Variants in AAMDC observed in about 807,000 individuals in gnomAD.
AAMDC encodes mth938 domain-containing protein.
In AAMDC, 16 loss-of-function variants were observed where a neutral mutation model predicts 15.5. The observed-to-expected ratio is 1.03, with a 90% CI of 0.70 to 1.57. The LOEUF (loss-of-function observed/expected upper bound fraction) is 1.57, where lower values mean the gene tolerates loss of function less well. Among genes scored for constraint, AAMDC ranks in the 40% most tolerant of loss-of-function variants. The probability of loss-of-function intolerance (pLI) is 0.00; values close to 1 mark genes in which losing one functional copy is unlikely to be tolerated. For missense variants in AAMDC, 141 were observed against 144.9 expected, an observed-to-expected ratio of 0.97 and a Z score of 0.14; for synonymous variants, 51 against 51.6, an observed-to-expected ratio of 0.99 and a Z score of 0.05.
intron 2 of AAMDC, among the ~76,000 whole-genome samples, chr11:77,852,239 A>AAAAAAAAAAAAAAAAAAGAAG (rs1565205847): frequency 7.5e-6 from 1 of 133,828 alleles, no homozygotes; most frequent in African/African-American, 2.8e-5. Context: ...AAAAAAAAAA[A>AAAAAAAAAAAAAAAAAAGAAG]AAGAAGAAGA....
chr11:77,889,065 G>A (rs900563460), intron 5 of AAMDC, among the ~76,000 whole-genome samples: 8 of 152,102 alleles, frequency 5.3e-5, no homozygotes, highest in Admixed American at 3.9e-4. Flanking sequence ...CCCAGTCATC[G>A]CATTACTGGG....
chr11:77,879,445 G>A (rs1054857579), intron 5 of AAMDC, among the ~76,000 whole-genome samples: 1 of 152,178 alleles, frequency 6.6e-6, no homozygotes, highest in African/African-American at 2.4e-5. Context: ...ATGCAGGTGT[G>A]GATTTGGGCA....
Position 77,849,730 on chromosome 11 carries a change from T to C in AAMDC, c.132+7102T>C, listed in dbSNP as rs532106307. 3.9e-5 allele frequency among the ~76,000 whole-genome samples: 6 copies of C among 152,328 alleles called. No individual in the cohort carries two copies. The East Asian group carries it at 1.2e-3, about 29-fold the overall frequency. On this transcript the variant is annotated intron_variant, in intron 2 of 3. Coordinates refer to ENST00000393427, the MANE Select transcript of AAMDC (RefSeq NM_024684.4). Reference sequence around the variant, plus strand: ...TATTTGAAGACCTAGCTATTCCATATCAAATTCTTTTTATCTTCCAAACCT... The same window carrying C: ...TATTTGAAGACCTAGCTATTCCATACCAAATTCTTTTTATCTTCCAAACCT...
intron 5 of AAMDC, among the ~76,000 whole-genome samples, chr11:77,895,743 T>C (rs1033654634): frequency 2.0e-5 from 3 of 151,932 alleles, no homozygotes; most frequent in East Asian, 3.9e-4. Context: ...CCTGATTATA[T>C]AGAGAATCAT....
intron 1 of AAMDC, among the ~76,000 whole-genome samples, chr11:77,835,225 G>A (rs1949629689): frequency 6.6e-6 from 1 of 152,018 alleles, no homozygotes; most frequent in Non-Finnish European, 1.5e-5. Context: ...AAGGACACCA[G>A]ACATATACCC....
chr11:77,862,537 T>G (rs1281867527), intron 2 of AAMDC, among the ~76,000 whole-genome samples: 1 of 152,186 alleles, frequency 6.6e-6, no homozygotes, highest in Non-Finnish European at 1.5e-5. Context: ...CTTTGGTTCA[T>G]TGTTTACCCC....
At chr11:77,887,552 G>A (rs1470803756) in intron 5 of AAMDC, among the ~76,000 whole-genome samples, 1 of 152,132 alleles carries the variant, frequency 6.6e-6, no homozygotes, top group Non-Finnish European at 1.5e-5. Flanking sequence ...ATTCAACATA[G>A]TGTTGGAAGT....
chr11:77,869,312 CTTTT>C, intron 2 of AAMDC: 9 of 125,792 alleles, frequency 7.2e-5, no homozygotes, highest in Non-Finnish European at 1.3e-4. Context: ...ATCTCTTTTT[CTTTT>C]TTTTTTTTTT....
At chr11:77,858,944 G>A (rs1950759156) in intron 2 of AAMDC, among the ~76,000 whole-genome samples, 1 of 152,188 alleles carries the variant, frequency 6.6e-6, no homozygotes, top group African/African-American at 2.4e-5. Flanking sequence ...CAGTGCAGGG[G>A]ATTATTTCTT....
chr11:77,890,720 A>G (rs1952226070), intron 5 of AAMDC, among the ~76,000 whole-genome samples: 1 of 152,246 alleles, frequency 6.6e-6, no homozygotes. Context: ...GCAATAGAGT[A>G]AACACGATTG....
chr11:77,860,126 T>G (rs1306394940), intron 2 of AAMDC, among the ~76,000 whole-genome samples: 1 of 152,210 alleles, frequency 6.6e-6, no homozygotes, highest in Non-Finnish European at 1.5e-5. Flanking sequence ...CTATCCCTGT[T>G]TTTTCTGTGA....
At chr11:77,891,227 G>A in intron 5 of AAMDC, 1 of 1,198,746 alleles carries the variant, frequency 8.3e-7, no homozygotes, top group Non-Finnish European at 1.2e-6. Context: ...CCCAGTTTCT[G>A]TCCCTCAAGT....
At chr11:77,854,225 C>G (rs535656701) in intron 2 of AAMDC, among the ~76,000 whole-genome samples, 6 of 152,176 alleles carry the variant, frequency 3.9e-5, no homozygotes, top group African/African-American at 1.4e-4. Flanking sequence ...ATCTCCTGAC[C>G]TCATGATCCA....
intron 3 of AAMDC, among the ~76,000 whole-genome samples, chr11:77,905,869 A>C (rs1035131419): frequency 5.3e-5 from 8 of 152,190 alleles, no homozygotes; most frequent in African/African-American, 1.9e-4. Context: ...TCATCTGCTC[A>C]TAACTGTTAG....
chr11:77,886,805 C>T (rs150096799), intron 5 of AAMDC, among the ~76,000 whole-genome samples: 7 of 152,084 alleles, frequency 4.6e-5, no homozygotes, highest in Non-Finnish European at 8.8e-5. Context: ...CACTCAAAAC[C>T]GCTCAACTAC....
intron 5 of AAMDC, among the ~76,000 whole-genome samples, chr11:77,884,292 A>G (rs1322844884): frequency 2.6e-5 from 4 of 152,326 alleles, no homozygotes; most frequent in African/African-American, 7.2e-5. Flanking sequence ...TCTGAATCAT[A>G]CCATGGCCCA....
rs768961363 is a variant in AAMDC, at chr11:77,872,151, C to G, written c.229-24C>G. On this transcript the variant is annotated intron_variant, in intron 3 of 3. Transcript: ENST00000393427. ...CCTGGGGGGCCTTTCCCCCTACTTA[C>G]TCATCTCTTTTCCACCTTCCCAGGT... 3 of 1,606,366 alleles carry G rather than the reference C, an allele frequency of 1.9e-6. No homozygotes were observed. The African/African-American group carries it at 4.0e-5, about 22-fold the overall frequency.
At chr11:77,835,901 C>CTA (rs912899409) in intron 1 of AAMDC, among the ~76,000 whole-genome samples, 12 of 151,524 alleles carry the variant, frequency 7.9e-5, no homozygotes, top group African/African-American at 2.9e-4. Flanking sequence ...GAGTGAGACT[C>CTA]TGTGTCAAAA....
At chr11:77,827,103 CAAAAAA>C (rs10540717) in intron 1 of AAMDC, among the ~76,000 whole-genome samples, 60,613 of 144,094 alleles carry the variant, frequency 0.42, 12,723 homozygotes, top group African/African-American at 0.54. Flanking sequence ...AAACTCGTCT[CAAAAAA>C]AAAAAAAATC....
Sources: allele counts gnomAD v4.1 joint callset (sites outside exome capture counted in the v4.1 genomes callset), GRCh38; gene constraint gnomAD v4.1.1; transcripts MANE v1.5; gene names NCBI Gene and HGNC (gene_info 2026-07-23, HGNC 2026-07-21).